Variants in GLE1 observed in about 807,000 individuals in gnomAD.
GLE1 encodes GLE1 RNA export mediator.
In GLE1, 78 loss-of-function variants were observed where a neutral mutation model predicts 97.3. The observed-to-expected ratio is 0.80, with a 90% confidence interval of 0.67 to 0.97. The LOEUF (loss-of-function observed/expected upper bound fraction) is 0.97, where lower values mean the gene tolerates loss of function less well. GLE1 is among the 50% of genes least tolerant of loss of function. The probability of loss-of-function intolerance (pLI) is 0.00; values close to 1 mark genes in which losing one functional copy is unlikely to be tolerated. For missense variants in GLE1, 753 were observed against 857.5 expected (o/e 0.88, Z 1.52); for synonymous variants, 302 against 313.4 (o/e 0.96, Z 0.39).
intron 2 of GLE1, among the ~76,000 whole-genome samples, chr9:128,510,604 C>T (rs1382885810): frequency 6.9e-6 from 1 of 145,296 alleles, no homozygotes; most frequent in Non-Finnish European, 1.5e-5. Flanking sequence ...TCTCGGCTTA[C>T]TGCAACCTTT....
rs1206684667 is a variant in GLE1, at chr9:128,531,831, C to CAAAA, written c.1313-1664_1313-1661dup. On this transcript the variant is annotated intron_variant, in intron 9 of 15. Coordinates refer to ENST00000309971, the MANE Select transcript of GLE1 (RefSeq NM_001003722.2). ...TGGGTGACAGAGTGAGACTCCAGCTCAAAAAAAAAAAAAAAAAAAAAGATG... is the reference window on the plus strand; with the variant it reads ...TGGGTGACAGAGTGAGACTCCAGCTCAAAAAAAAAAAAAAAAAAAAAAAAAGATG... 5.0e-4 allele frequency among the ~76,000 whole-genome samples: 26 copies of CAAAA among 51,826 alleles called. 8 individuals carry two copies. The highest frequency in any genetic ancestry group is 7.0e-4 in the Non-Finnish European group (17 of 24,168). The allele number at this position is 51,826 out of a possible 152,430, so 34.0% of individuals were successfully genotyped here. A position where few individuals can be genotyped will look rare whatever the true frequency, so the allele number is the denominator to read the frequency against.
chr9:128,537,701 T>C (rs1416410325), intron 12 of GLE1, among the ~76,000 whole-genome samples: 2 of 152,054 alleles, frequency 1.3e-5, no homozygotes, highest in African/African-American at 2.4e-5. Context: ...TCCCAGCTAC[T>C]TGGGAGACTG....
At chr9:128,513,755 G>A (rs901353307) in intron 2 of GLE1, among the ~76,000 whole-genome samples, 9 of 151,122 alleles carry the variant, frequency 6.0e-5, no homozygotes, top group African/African-American at 2.2e-4. Context: ...GGTGGCTCAC[G>A]CCTGTAATCC....
chr9:128,506,356 T>C (rs1236757357), intron 1 of GLE1, among the ~76,000 whole-genome samples: 1 of 151,768 alleles, frequency 6.6e-6, no homozygotes, highest in Non-Finnish European at 1.5e-5. Flanking sequence ...AAAAAAAAAA[T>C]GTAGCCTTGT....
rs1448462269 is a variant in GLE1, at chr9:128,536,451, C to T, written c.1743C>T (p.Ile581=). Residue 581 remains isoleucine (I), a synonymous_variant, in exon 12 of 16, where the codon ATC becomes ATT. Transcript: ENST00000309971. The stretch of plus-strand genomic sequence containing the variant: ...TGATCCGTCTCTACGCTGCTATCAT[C>T]CAGCTCCGGTGGCCATATGGAAACC... ...SGMIRLYAAI[I]QLRWPYGNRQ... is the part of the protein sequence containing the mutation. The T allele has an allele frequency of 1.9e-6, 3 of 1,613,890 alleles. No homozygotes were observed. The highest frequency in any genetic ancestry group is 2.7e-5 in the African/African-American group (2 of 74,934).
chr9:128,521,177 G>C (rs986543259), intron 3 of GLE1, among the ~76,000 whole-genome samples: 1 of 151,990 alleles, frequency 6.6e-6, no homozygotes, highest in African/African-American at 2.4e-5. Context: ...CACTTTAACA[G>C]AGTCCCAGAG....
At position 128,514,307 on chromosome 9, in the gene GLE1, C is replaced by A. The variant is rs932730347; in HGVS notation, c.322-1222C>A. Among the ~76,000 whole-genome samples, 3 of 147,600 alleles carry A rather than the reference C, an allele frequency of 2.0e-5. No individual in the cohort carries two copies. In the East Asian group the frequency reaches 6.0e-4, roughly 30 times the overall value. Reference sequence around the variant, plus strand: ...TGATCCGTGATCACGCCACTATACTCCAGCCTGGGAAACAGAGTGAGATCT... The same window carrying A: ...TGATCCGTGATCACGCCACTATACTACAGCCTGGGAAACAGAGTGAGATCT... On this transcript the variant is annotated intron_variant, in intron 2 of 15. Coordinates refer to ENST00000309971, the MANE Select transcript of GLE1 (RefSeq NM_001003722.2).
intron 12 of GLE1, chr9:128,536,811 C>T (rs1847726286): frequency 6.1e-6 from 2 of 327,544 alleles, no homozygotes; most frequent in Non-Finnish European, 1.2e-5. Flanking sequence ...CCTTAGAAGC[C>T]ATCTAGATCA....
rs145991345 is a variant in GLE1, at chr9:128,536,476, C to T, written c.1768C>T (p.Arg590Ter). Residue 590 changes from arginine (R) to a stop codon, truncating the protein, a stop_gained, in exon 12 of 16, where the codon CGA (arginine) becomes TGA (stop). Transcript: ENST00000309971. LOFTEE classifies it high-confidence loss of function. The stretch of plus-strand genomic sequence containing the variant: ...CCAGCTCCGGTGGCCATATGGAAAC[C>T]GACAGGAGGTAGGTAAAAGAGGCTT... ...IIQLRWPYGNRQEIHPHGLNH... is the reference protein window; with the variant it reads ...IIQLRWPYGN The T allele has an allele frequency of 3.7e-6, 6 of 1,613,530 alleles. No homozygotes were observed. Among genetic ancestry groups the T allele is most frequent in the Non-Finnish European group, 5.1e-6 (6 of 1,179,544 alleles).
chr9:128,523,978 C>T, intron 6 of GLE1, 132 bp downstream of exon 6: 1 of 789,826 alleles, frequency 1.3e-6, no homozygotes, highest in Admixed American at 2.3e-5. Context: ...TACTTGTTAT[C>T]TCCATATCTC....
In GLE1 at chr9:128,541,022, C is replaced by T. The variant is rs866683065; in HGVS notation, c.2029-80C>T. 1.7e-5 allele frequency: 15 copies of T among 866,956 alleles called. No individual in the cohort carries two copies. The Middle Eastern group carries it at 8.7e-4, about 50-fold the overall frequency. The allele number at this position is 866,956 out of a possible 1,614,324, so 53.7% of individuals were successfully genotyped here. On this transcript the variant is annotated intron_variant, in intron 15 of 15. Transcript: ENST00000309971. The stretch of plus-strand genomic sequence containing the variant: ...CATAGGGCTGAAATATGGTGTTCCT[C>T]AAAGCTTCTTTTAACCATTAAGTGT...
chr9:128,525,761 A>T (rs977132738), intron 7 of GLE1, among the ~76,000 whole-genome samples: 10 of 152,118 alleles, frequency 6.6e-5, no homozygotes, highest in African/African-American at 1.9e-4. Flanking sequence ...TCCCATCTCT[A>T]CCAAAAATAA....
intron 3 of GLE1, among the ~76,000 whole-genome samples, chr9:128,520,410 G>GTATATA (rs1054971044): frequency 6.9e-6 from 1 of 143,936 alleles, no homozygotes; most frequent in South Asian, 2.1e-4. Flanking sequence ...GTGTATATAT[G>GTATATA]TATATATATG....
Position 128,533,574 on chromosome 9 carries a change from A to G in GLE1, c.1374A>G (p.Gln458=), listed in dbSNP as rs1205244826. Residue 458 remains glutamine (Q), a synonymous_variant, in exon 10 of 16, where the codon CAA becomes CAG. Coordinates refer to ENST00000309971, the MANE Select transcript of GLE1 (RefSeq NM_001003722.2). ...IHSLLSGKPV[Q]SGGRSVSVTL... ...GCCTGCTCTCTGGAAAACCTGTTCA[A>G]TCTGGTGGGCGCTCTGTGTCTGTCA... is the stretch of plus-strand genomic sequence containing the variant. 4 of 1,613,826 alleles carry G rather than the reference A, an allele frequency of 2.5e-6. No homozygotes were observed. The highest frequency in any genetic ancestry group is 3.4e-6 in the Non-Finnish European group (4 of 1,179,708).
chr9:128,520,467 C>A (rs988194097), intron 3 of GLE1, among the ~76,000 whole-genome samples: 1 of 148,884 alleles, frequency 6.7e-6, no homozygotes, highest in Non-Finnish European at 1.5e-5. Flanking sequence ...ACAATAAAAT[C>A]ATTATAGCAC....
intron 7 of GLE1, among the ~76,000 whole-genome samples, 167 bp downstream of exon 7, chr9:128,525,590 C>T (rs1016264986): frequency 6.6e-6 from 1 of 152,200 alleles, no homozygotes; most frequent in African/African-American, 2.4e-5. Flanking sequence ...ACGATTCCAA[C>T]ACTTTGCGTG....
intron 5 of GLE1, 124 bp from the exon 6 acceptor site, chr9:128,523,468 G>A: frequency 1.4e-5 from 20 of 1,405,818 alleles, no homozygotes; most frequent in Non-Finnish European, 1.9e-5. Flanking sequence ...GACTAACCTT[G>A]GGATGTCCTC....
intron 11 of GLE1, among the ~76,000 whole-genome samples, chr9:128,535,962 A>ATT (rs1224350613): frequency 6.8e-4 from 3 of 4,426 alleles, no homozygotes; most frequent in African/African-American, 8.9e-4. Flanking sequence ...GGTGACAGAG[A>ATT]CTCTGTTTCC....
intron 6 of GLE1, 128 bp downstream of exon 6, chr9:128,523,974 T>A: frequency 1.2e-6 from 1 of 832,760 alleles, no homozygotes; most frequent in Non-Finnish European, 2.0e-6. Flanking sequence ...ACATTACTTG[T>A]TATCTCCATA....
Sources: allele counts gnomAD v4.1 joint callset (sites outside exome capture counted in the v4.1 genomes callset), GRCh38; gene constraint gnomAD v4.1.1; transcripts MANE v1.5; gene names NCBI Gene and HGNC (gene_info 2026-07-23, HGNC 2026-07-21).